FAM171B: variants seen among roughly 807,000 people sequenced by gnomAD.
The protein encoded by FAM171B is family with sequence similarity 171 member B, also known as protein FAM171B.
In FAM171B, 19 loss-of-function variants were observed where a neutral mutation model predicts 75.6. The observed-to-expected ratio is 0.25, with a 90% CI of 0.18 to 0.37. The LOEUF (loss-of-function observed/expected upper bound fraction) is 0.37, where lower values mean the gene tolerates loss of function less well. FAM171B is among the 10% of genes least tolerant of loss of function. The pLI, the probability that FAM171B is intolerant of heterozygous loss-of-function variation, is 1.00. For missense variants in FAM171B, 848 were observed against 982.4 expected (o/e 0.86, Z 1.83); for synonymous variants, 367 against 361.7 (o/e 1.01, Z -0.17).
chr2:186,718,551 C>CT (rs1202362000), intron 1 of FAM171B, among the ~76,000 whole-genome samples: 2 of 152,104 alleles, frequency 1.3e-5, no homozygotes, highest in East Asian at 3.9e-4. Context: ...CCCTGTAATA[C>CT]TTTGTTTGTA....
At chr2:186,710,668 A>G (rs1689798785) in intron 1 of FAM171B, among the ~76,000 whole-genome samples, 1 of 152,112 alleles carries the variant, frequency 6.6e-6, no homozygotes, top group Admixed American at 6.6e-5. Flanking sequence ...TTGCTGCATC[A>G]TCTTGCTGAA....
intron 1 of FAM171B, among the ~76,000 whole-genome samples, chr2:186,708,527 G>T (rs536906829): frequency 6.6e-6 from 1 of 152,282 alleles, no homozygotes; most frequent in Admixed American, 6.5e-5. Context: ...TTTGAGGTGT[G>T]TATAGCTACT....
chr2:186,759,301 G>T (rs1245021145), intron 6 of FAM171B, among the ~76,000 whole-genome samples: 2 of 152,136 alleles, frequency 1.3e-5, no homozygotes, highest in Non-Finnish European at 2.9e-5. Context: ...AGCGCTGCTG[G>T]GTTAGGGTCT....
intron 4 of FAM171B, among the ~76,000 whole-genome samples, 166 bp from the exon 5 acceptor site, chr2:186,750,968 T>A (rs1350472166): frequency 2.0e-5 from 3 of 152,142 alleles, no homozygotes; most frequent in Admixed American, 6.6e-5. Context: ...TAGACAATAT[T>A]TTAAAATTAC....
intron 1 of FAM171B, among the ~76,000 whole-genome samples, chr2:186,709,659 T>C (rs185984583): frequency 1.5e-4 from 23 of 152,306 alleles, no homozygotes; most frequent in Admixed American, 1.5e-3. Flanking sequence ...ACCAGTTGTG[T>C]GTTGATGTCT....
intron 1 of FAM171B, among the ~76,000 whole-genome samples, chr2:186,715,110 A>G (rs1015354582): frequency 5.3e-5 from 8 of 152,242 alleles, no homozygotes; most frequent in Admixed American, 3.3e-4. Context: ...CAACTCTCAC[A>G]TTCAGTACAA....
In FAM171B at chr2:186,765,846, C is replaced by T. The variant is rs886958709; in HGVS notation, c.*3023C>T. The T allele has an allele frequency of 1.3e-5, 2 of 152,028 alleles. No individual in the cohort carries two copies. The highest frequency in any genetic ancestry group is 2.4e-5 in the African/African-American group (1 of 41,414). The allele number at this position is 152,028 out of a possible 1,614,324, so 9.4% of individuals were successfully genotyped here. ...ATTCTTTCAGAGAAATCTCATATTT[C>T]GGTGTATTTATTGCTGTTACTACTA... On this transcript the variant is annotated 3_prime_UTR_variant, in exon 8 of 8. Coordinates refer to ENST00000304698, the MANE Select transcript of FAM171B (RefSeq NM_177454.4).
At chr2:186,759,344 C>T (rs747986675) in intron 6 of FAM171B, among the ~76,000 whole-genome samples, 17 of 152,026 alleles carry the variant, frequency 1.1e-4, no homozygotes, top group Non-Finnish European at 1.8e-4. Flanking sequence ...AACTGAGTTC[C>T]TTTCTTTTGG....
At chr2:186,730,420 C>T (rs1690097841) in intron 1 of FAM171B, among the ~76,000 whole-genome samples, 1 of 152,098 alleles carries the variant, frequency 6.6e-6, no homozygotes, top group Non-Finnish European at 1.5e-5. Context: ...TGTATAAAAC[C>T]TGTAATTTAT....
rs145830687 is a variant in FAM171B at position 186,718,813 on chromosome 2, G to A, written c.239-21415G>A. Among the ~76,000 whole-genome samples, 30 of 152,200 alleles carry A rather than the reference G, an allele frequency of 2.0e-4. No individual in the cohort carries two copies. The East Asian group carries it at 5.4e-3, about 27-fold the overall frequency. On this transcript the variant is annotated intron_variant, in intron 1 of 7. Transcript: ENST00000304698. ...TAAAAAATATTGAGATGCTACCTAC[G>A]GACTTTTCTTTTGTACGAAATGTGT...
intron 2 of FAM171B, among the ~76,000 whole-genome samples, chr2:186,741,498 T>C (rs1690287492): frequency 6.6e-6 from 1 of 152,094 alleles, no homozygotes; most frequent in South Asian, 2.1e-4. Context: ...GCCAAGACCC[T>C]AACTAAATAA....
Position 186,762,890 on chromosome 2 carries a change from T to C in FAM171B, c.*67T>C. The stretch of plus-strand genomic sequence containing the variant: ...TCTTGCTTCTTGTTGTAAATTGCAG[T>C]ACGAACTTAAGAAAATGAGACTGAG... On this transcript the variant is annotated 3_prime_UTR_variant, in exon 8 of 8. Transcript: ENST00000304698. The surrounding 1 kb of genome is among the most constrained non-coding windows in gnomAD (Gnocchi z 4.0). 6.5e-7 allele frequency: 1 copy of C among 1,532,786 alleles called. No individual in the cohort carries two copies. Among genetic ancestry groups the C allele is most frequent in the Non-Finnish European group, 8.8e-7 (1 of 1,140,362 alleles). 94.9% of individuals were successfully genotyped at this position (1,532,786 alleles called of 1,614,324 possible). A position where few individuals can be genotyped will look rare whatever the true frequency, so the allele number is the denominator to read the frequency against.
At chr2:186,750,603 C>T (rs1246449200) in intron 4 of FAM171B, among the ~76,000 whole-genome samples, 3 of 148,570 alleles carry the variant, frequency 2.0e-5, no homozygotes, top group Non-Finnish European at 2.9e-5. Flanking sequence ...AATCTGAATG[C>T]TTTTTATGTA....
chr2:186,721,043 G>C lies in FAM171B; in HGVS notation c.239-19185G>C, dbSNP rs1574101645. Among the ~76,000 whole-genome samples the C allele has an allele frequency of 2.0e-5, 3 of 152,288 alleles. No individual in the cohort carries two copies. In the East Asian group the frequency reaches 5.8e-4, roughly 29 times the overall value. On this transcript the variant is annotated intron_variant, in intron 1 of 7. Coordinates refer to ENST00000304698, the MANE Select transcript of FAM171B (RefSeq NM_177454.4). ...AGCAATTTCAATTCTTACTGTTTTA[G>C]TAAGAGAAACAGAACAATTAAATAT...
intron 1 of FAM171B, among the ~76,000 whole-genome samples, chr2:186,708,198 T>C (rs980174150): frequency 2.6e-5 from 4 of 152,144 alleles, no homozygotes; most frequent in Non-Finnish European, 5.9e-5. Flanking sequence ...TGTAGGACCT[T>C]GGGACTGAAG....
Position 186,747,136 on chromosome 2 carries a change from A to C in FAM171B, c.610A>C (p.Lys204Gln). 1 of 1,605,574 alleles carries C rather than the reference A, an allele frequency of 6.2e-7. No homozygotes were observed. The part of the protein sequence containing the change: ...PSVQFSKALI[K>Q]LPDNHHISNV... ...TGTTCAGTTTTCAAAAGCCTTAATT[A>C]AACTTCCTGACAACCATCATATTAG... is the stretch of plus-strand genomic sequence containing the variant. Residue 204 changes from lysine to glutamine, a missense_variant, in exon 4 of 8, where the codon AAA becomes CAA. Physicochemically the swap from Lys to Gln is moderately conservative, Grantham distance 53 (BLOSUM62 1). Coordinates refer to ENST00000304698, the MANE Select transcript of FAM171B (RefSeq NM_177454.4).
chr2:186,694,597 C>T (rs1189581907), intron 1 of FAM171B, among the ~76,000 whole-genome samples, 186 bp downstream of exon 1: 1 of 152,108 alleles, frequency 6.6e-6, no homozygotes, highest in Non-Finnish European at 1.5e-5. Context: ...GGGAATCTGC[C>T]CTCCGGGTAA....
chr2:186,719,598 G>A (rs534624822), intron 1 of FAM171B, among the ~76,000 whole-genome samples: 4 of 152,268 alleles, frequency 2.6e-5, no homozygotes, highest in East Asian at 3.9e-4. Context: ...CTAAGTTAAC[G>A]GAAAATATAA....
Position 186,740,451 on chromosome 2 carries a change from A to G in FAM171B, c.462A>G (p.Arg154=), listed in dbSNP as rs955767202. 1 of 1,609,010 alleles carries G rather than the reference A, an allele frequency of 6.2e-7. No individual in the cohort carries two copies. Among genetic ancestry groups the G allele is most frequent in the East Asian group, 2.2e-5 (1 of 44,796 alleles). The change falls in exon 2 of 8, where the codon AGA becomes AGG. Residue 154 remains arginine (R), a synonymous_variant. Transcript: ENST00000304698. ...YVLTPLPWKT[R]RMPIYSSVTL... ...TGACCCCTCTGCCTTGGAAAACCAG[A>G]AGAATGCCAAGTAAGCACTTAAACA... is the stretch of plus-strand genomic sequence containing the variant.
Sources: gnomAD v4.1 joint callset for allele counts (sites outside exome capture counted in the v4.1 genomes callset) on GRCh38, gnomAD v4.1.1 for gene constraint, Gnocchi (gnomAD v3.1) non-coding constraint, MANE v1.5 for transcripts, NCBI Gene and HGNC (gene_info 2026-07-23, HGNC 2026-07-21) for gene names.